SLIT3: variants seen among roughly 807,000 people sequenced by gnomAD.
The protein encoded by SLIT3 is slit guidance ligand 3, also known as slit homolog 3 protein.
SLIT3 carries 68 observed loss-of-function variants against 184.0 expected under a neutral mutation model. That is an observed-to-expected ratio of 0.37 (90% confidence interval 0.30 to 0.45). SLIT3 has a LOEUF of 0.45. Among genes scored for constraint, SLIT3 ranks in the 20% least tolerant of loss-of-function variants. The pLI is 1.00. For synonymous variants in SLIT3, 831 were observed against 828.6 expected (o/e 1.00, Z -0.05); for missense variants, 1,707 against 2,026.0 (o/e 0.84, Z 3.02).
chr5:168,968,105 T>C (rs928040934), intron 4 of SLIT3, among the ~76,000 whole-genome samples: 2 of 152,182 alleles, frequency 1.3e-5, no homozygotes, highest in Admixed American at 6.5e-5. Flanking sequence ...AAGAATGATT[T>C]ATCTCTCCCC....
intron 4 of SLIT3, among the ~76,000 whole-genome samples, chr5:169,011,407 G>A (rs540794922): frequency 6.6e-6 from 1 of 152,254 alleles, no homozygotes; most frequent in Admixed American, 6.5e-5. Context: ...CTAAAGCTTT[G>A]GTTTATCATC....
At chr5:168,901,137 C>T (rs573622834) in intron 4 of SLIT3, among the ~76,000 whole-genome samples, 3 of 152,078 alleles carry the variant, frequency 2.0e-5, no homozygotes, top group African/African-American at 4.8e-5. Flanking sequence ...CCGAGGCAGG[C>T]GGATCACGAG....
chr5:168,695,575 G>T (rs1762034732), intron 28 of SLIT3, among the ~76,000 whole-genome samples: 1 of 152,196 alleles, frequency 6.6e-6, no homozygotes, highest in Non-Finnish European at 1.5e-5. Flanking sequence ...AACAAAGCGG[G>T]CTGTGTTTGC....
At chr5:168,937,918 C>G (rs1311935515) in intron 4 of SLIT3, among the ~76,000 whole-genome samples, 1 of 151,750 alleles carries the variant, frequency 6.6e-6, no homozygotes, top group Non-Finnish European at 1.5e-5. Flanking sequence ...CAGATTCACA[C>G]TAAAGCTTCT....
In SLIT3 at chr5:168,885,907, A is replaced by C. The variant is rs75630531; in HGVS notation, c.414-2571T>G. On this transcript the variant is annotated intron_variant, in intron 4 of 35. Transcript: ENST00000519560. ...GAGGAGAGGAGAGCGATATTTAAGC[A>C]GAAAAATCTGGCCATGTTGCTGGGA... 2.6e-5 allele frequency among the ~76,000 whole-genome samples: 4 copies of C among 152,348 alleles called. No individual in the cohort carries two copies. In the East Asian group the frequency reaches 5.8e-4, roughly 22 times the overall value.
intron 18 of SLIT3, chr5:168,752,744 C>G: frequency 1.8e-6 from 1 of 564,366 alleles, no homozygotes; most frequent in Non-Finnish European, 3.1e-6. Context: ...TGTGGCAATT[C>G]ACTATGCTGT....
chr5:168,700,124 C>T (rs531549985), intron 27 of SLIT3, among the ~76,000 whole-genome samples: 1 of 152,352 alleles, frequency 6.6e-6, no homozygotes, highest in Non-Finnish European at 1.5e-5. Context: ...AGGGCCAGCA[C>T]AGCACGGGCA....
At chr5:168,987,956 G>A (rs971587386) in intron 4 of SLIT3, among the ~76,000 whole-genome samples, 1 of 152,230 alleles carries the variant, frequency 6.6e-6, no homozygotes, top group Admixed American at 6.5e-5. Context: ...AGCTGAAGCA[G>A]ATCAAACAAG....
At chr5:168,760,976 C>G in intron 15 of SLIT3, 40 bp from the exon 16 acceptor site, 1 of 1,471,652 alleles carries the variant, frequency 6.8e-7, no homozygotes, top group Non-Finnish European at 9.5e-7. Context: ...TAGCTGTGGA[C>G]GAGGCCCCTC....
chr5:169,138,528 T>C (rs1761607347), intron 4 of SLIT3, among the ~76,000 whole-genome samples: 1 of 152,168 alleles, frequency 6.6e-6, no homozygotes. Flanking sequence ...GTTCAGGTTC[T>C]GCCTCTGGGA....
At chr5:169,081,811 T>G (rs1759072382) in intron 4 of SLIT3, among the ~76,000 whole-genome samples, 1 of 152,202 alleles carries the variant, frequency 6.6e-6, no homozygotes, top group Non-Finnish European at 1.5e-5. Context: ...GACCCTGTGC[T>G]TTGCTCTTAC....
chr5:168,925,949 G>C (rs187383599), intron 4 of SLIT3, among the ~76,000 whole-genome samples: 196 of 152,314 alleles, frequency 1.3e-3, no homozygotes, highest in Admixed American at 2.7e-3. Context: ...GTAGAATCCT[G>C]GAATCTCCAC....
At chr5:169,074,508 T>C (rs1189897603) in intron 4 of SLIT3, among the ~76,000 whole-genome samples, 3 of 152,226 alleles carry the variant, frequency 2.0e-5, no homozygotes, top group Non-Finnish European at 4.4e-5. Context: ...TAATAACTCA[T>C]GTATTCCTAA....
At chr5:169,147,119 G>A (rs556325081) in intron 4 of SLIT3, among the ~76,000 whole-genome samples, 2 of 152,260 alleles carry the variant, frequency 1.3e-5, no homozygotes, top group African/African-American at 4.8e-5. Flanking sequence ...CCCCACAGTG[G>A]GTCCAGCACA....
At chr5:169,149,641 T>C (rs1375029456) in intron 4 of SLIT3, among the ~76,000 whole-genome samples, 3 of 152,186 alleles carry the variant, frequency 2.0e-5, no homozygotes, top group Non-Finnish European at 4.4e-5. Context: ...TTCCACAGCT[T>C]GAAAGATCAA....
chr5:168,724,320 A>T (rs1469934487), intron 21 of SLIT3, 96 bp downstream of exon 21: 3 of 896,446 alleles, frequency 3.3e-6, no homozygotes, highest in Non-Finnish European at 5.0e-6. Flanking sequence ...CACTTGCATC[A>T]GCCTGCAGCT....
chr5:169,039,305 GT>G (rs1248146030), intron 4 of SLIT3, among the ~76,000 whole-genome samples: 167 of 141,664 alleles, frequency 1.2e-3, no homozygotes, highest in African/African-American at 4.0e-3. Flanking sequence ...TAAGAGTTAA[GT>G]TTTTTTTTGT....
intron 4 of SLIT3, among the ~76,000 whole-genome samples, chr5:169,052,770 C>T (rs1056587890): frequency 2.0e-5 from 3 of 152,174 alleles, no homozygotes; most frequent in Admixed American, 6.5e-5. Flanking sequence ...GGATTTCACT[C>T]CACGCTACCC....
intron 4 of SLIT3, among the ~76,000 whole-genome samples, chr5:169,110,350 G>A (rs1190624819): frequency 6.6e-6 from 1 of 152,162 alleles, no homozygotes; most frequent in Non-Finnish European, 1.5e-5. Context: ...TAACAAAGTA[G>A]GTGCAATTTA....
Sources: gnomAD v4.1 joint callset for allele counts (sites outside exome capture counted in the v4.1 genomes callset) on GRCh38, gnomAD v4.1.1 for gene constraint, MANE v1.5 for transcripts, NCBI Gene and HGNC (gene_info 2026-07-23, HGNC 2026-07-21) for gene names.